Variants in P2RY14 observed in about 807,000 individuals in gnomAD.
The protein encoded by P2RY14 is purinergic receptor P2Y14.
Under a neutral mutation model 0.9 loss-of-function variants are expected in P2RY14, and 2 were observed. The observed-to-expected ratio is 2.16, with a 90% CI of 0.88 to 6.79. The LOEUF (loss-of-function observed/expected upper bound fraction) is 6.79, where lower values mean the gene tolerates loss of function less well. Among genes scored for constraint, P2RY14 ranks in the 30% most tolerant of loss-of-function variants. P2RY14 has a pLI of 0.05. For missense variants in P2RY14, 378 were observed against 400.1 expected, an observed-to-expected ratio of 0.94 and a Z score of 0.47; for synonymous variants, 158 against 147.2, an observed-to-expected ratio of 1.07 and a Z score of -0.53.
At chr3:151,243,785 A>G (rs934273139) in intron 1 of P2RY14, among the ~76,000 whole-genome samples, 3 of 151,870 alleles carry the variant, frequency 2.0e-5, no homozygotes, top group African/African-American at 7.3e-5. Flanking sequence ...TTAAATGTAA[A>G]TGGACTAAAT....
chr3:151,222,768 A>AT (rs985018326), intron 1 of P2RY14, among the ~76,000 whole-genome samples: 14 of 152,066 alleles, frequency 9.2e-5, no homozygotes, highest in Non-Finnish European at 1.6e-4. Context: ...AGTTAGCATC[A>AT]TTTTTTTCCC....
At chr3:151,269,861 C>T (rs757568407) in intron 1 of P2RY14, 20 of 457,560 alleles carry the variant, frequency 4.4e-5, no homozygotes, top group Non-Finnish European at 2.6e-5. Context: ...CAGGAAGAGG[C>T]AGCACGAAGA....
At chr3:151,237,629 G>C (rs549406329) in intron 1 of P2RY14, among the ~76,000 whole-genome samples, 1 of 152,062 alleles carries the variant, frequency 6.6e-6, no homozygotes, top group Admixed American at 6.6e-5. Context: ...GGGATTACAG[G>C]TGTGAGCCAC....
At chr3:151,222,060 G>A (rs1380807405) in intron 1 of P2RY14, among the ~76,000 whole-genome samples, 1 of 152,206 alleles carries the variant, frequency 6.6e-6, no homozygotes, top group Non-Finnish European at 1.5e-5. Context: ...AGATCGTTTG[G>A]GAAGTTTACG....
At chr3:151,248,131 C>CA (rs1304710781) in intron 1 of P2RY14, among the ~76,000 whole-genome samples, 2 of 151,608 alleles carry the variant, frequency 1.3e-5, no homozygotes, top group Non-Finnish European at 2.9e-5. Flanking sequence ...CAAGTTAAAA[C>CA]AAAAAATGCT....
At chr3:151,244,410 AAACT>A (rs1422998013) in intron 1 of P2RY14, among the ~76,000 whole-genome samples, 1 of 136,728 alleles carries the variant, frequency 7.3e-6, no homozygotes, top group Non-Finnish European at 1.6e-5. Flanking sequence ...AAATTATAAC[AAACT>A]ATCTCTCAGA....
chr3:151,216,002 C>T (rs1239798873), intron 2 of P2RY14, among the ~76,000 whole-genome samples: 1 of 152,166 alleles, frequency 6.6e-6, no homozygotes. Context: ...CCTTAGGAAA[C>T]CTCAACTTTC....
intron 1 of P2RY14, among the ~76,000 whole-genome samples, chr3:151,250,619 C>T (rs544923641): frequency 6.6e-6 from 1 of 152,164 alleles, no homozygotes; most frequent in Non-Finnish European, 1.5e-5. Flanking sequence ...CTTTTTAAGA[C>T]TGAATAATAT....
intron 1 of P2RY14, among the ~76,000 whole-genome samples, chr3:151,241,058 G>T (rs926805926): frequency 1.3e-4 from 20 of 152,098 alleles, no homozygotes; most frequent in African/African-American, 4.8e-4. Flanking sequence ...TAAAAACGGG[G>T]GACTATACTC....
intron 1 of P2RY14, among the ~76,000 whole-genome samples, chr3:151,237,684 T>G (rs1733195530): frequency 1.3e-5 from 2 of 152,294 alleles, no homozygotes; most frequent in Admixed American, 1.3e-4. Context: ...TACACTAGTT[T>G]ATATTCCTAC....
chr3:151,227,847 T>C lies in P2RY14; in HGVS notation c.-132-8205A>G, dbSNP rs1410099291. ...ACTGTTTTTTTCGGTTTCAGTTCTT[T>C]GTGGGTAGGCTGTCTTGTGTATTGT... On this transcript the variant is annotated intron_variant, in intron 1 of 2. Coordinates refer to ENST00000309170, the MANE Select transcript of P2RY14 (RefSeq NM_014879.4). 5.3e-5 allele frequency among the ~76,000 whole-genome samples: 8 copies of C among 152,218 alleles called. No homozygotes were observed. In the East Asian group the frequency reaches 1.5e-3, roughly 29 times the overall value.
chr3:151,258,909 G>A (rs1237472014), intron 1 of P2RY14, among the ~76,000 whole-genome samples: 1 of 151,750 alleles, frequency 6.6e-6, no homozygotes, highest in African/African-American at 2.4e-5. Context: ...AGGCTTTGTG[G>A]ATGGGAGCTG....
chr3:151,212,256 T>C lies in P2RY14; in HGVS notation c.*1044A>G, dbSNP rs1248203345. 6.6e-6 allele frequency: 1 copy of C among 152,204 alleles called. No individual in the cohort carries two copies. The allele number at this position is 152,204 out of a possible 1,614,324, so 9.4% of individuals were successfully genotyped here. ...GCCAGTTAATAGCAGAGAAAGAATT[T>C]AGTTTTGGTAGCTCATAAGTCAGTA... On this transcript the variant is annotated 3_prime_UTR_variant, in exon 3 of 3. Transcript: ENST00000309170.
chr3:151,261,870 G>A (rs918636570), intron 1 of P2RY14, among the ~76,000 whole-genome samples: 1 of 152,072 alleles, frequency 6.6e-6, no homozygotes, highest in African/African-American at 2.4e-5. Context: ...GACTACAGGC[G>A]TTCGTCACCA....
chr3:151,264,498 T>C (rs974351852), intron 1 of P2RY14, among the ~76,000 whole-genome samples: 10 of 152,268 alleles, frequency 6.6e-5, no homozygotes, highest in African/African-American at 2.2e-4. Context: ...TGGTTTATGA[T>C]TGTGTAAAGC....
chr3:151,224,201 CTCT>C (rs1256727744), intron 1 of P2RY14, among the ~76,000 whole-genome samples: 2 of 151,986 alleles, frequency 1.3e-5, no homozygotes, highest in East Asian at 1.9e-4. Flanking sequence ...ATTTTTCTTC[CTCT>C]TCTTTTTTCA....
In P2RY14 at chr3:151,242,520, ACAG is replaced by A. The variant is rs746808442; in HGVS notation, c.-132-22881_-132-22879del. On this transcript the variant is annotated intron_variant, in intron 1 of 2. Coordinates refer to ENST00000309170, the MANE Select transcript of P2RY14 (RefSeq NM_014879.4). Reference sequence around the variant, plus strand: ...CAGCAGGGGCACACTGACACCTCACACAGCAGGGTATTCCAACAGACCTGCAGC... The same window carrying A: ...CAGCAGGGGCACACTGACACCTCACACAGGGTATTCCAACAGACCTGCAGC... 6.6e-4 allele frequency among the ~76,000 whole-genome samples: 101 copies of A among 152,096 alleles called. No individual in the cohort carries two copies. In the Middle Eastern group the frequency reaches 0.01, roughly 15 times the overall value.
chr3:151,269,048 T>C (rs926997416), intron 1 of P2RY14, among the ~76,000 whole-genome samples: 2 of 152,128 alleles, frequency 1.3e-5, no homozygotes, highest in African/African-American at 4.8e-5. Flanking sequence ...GACATTGGCC[T>C]CTCTGGGCTT....
At chr3:151,268,808 A>G (rs1056997293) in intron 1 of P2RY14, among the ~76,000 whole-genome samples, 1 of 152,248 alleles carries the variant, frequency 6.6e-6, no homozygotes, top group African/African-American at 2.4e-5. Context: ...AAGATGTATC[A>G]TAGACCTAAA....
Sources: allele counts gnomAD v4.1 joint callset (sites outside exome capture counted in the v4.1 genomes callset), GRCh38; gene constraint gnomAD v4.1.1; transcripts MANE v1.5; gene names NCBI Gene and HGNC (gene_info 2026-07-23, HGNC 2026-07-21).